NR6A1: variants seen among roughly 807,000 people sequenced by gnomAD.
The protein encoded by NR6A1 is nuclear receptor subfamily 6 group A member 1, also known as retinoic acid receptor-related testis-associated receptor.
NR6A1 carries 7 observed loss-of-function variants against 59.1 expected under a neutral mutation model. The ratio of observed to expected loss-of-function variants is 0.12; its 90% CI spans 0.07 to 0.22. NR6A1 has a LOEUF of 0.22. NR6A1 is among the 10% of genes least tolerant of loss of function. The pLI, the probability that NR6A1 is intolerant of heterozygous loss-of-function variation, is 1.00. For missense variants in NR6A1, 468 were observed against 611.6 expected (o/e 0.77, Z 2.48); for synonymous variants, 243 against 236.1 (o/e 1.03, Z -0.27).
At chr9:124,579,714 T>C (rs1386425142) in intron 2 of NR6A1, among the ~76,000 whole-genome samples, 1 of 152,124 alleles carries the variant, frequency 6.6e-6, no homozygotes, top group East Asian at 1.9e-4. Flanking sequence ...GATAGGTTCT[T>C]ATAAAATTAA....
intron 1 of NR6A1, among the ~76,000 whole-genome samples, chr9:124,761,921 C>G (rs1403345169): frequency 6.6e-6 from 1 of 152,300 alleles, no homozygotes; most frequent in East Asian, 1.9e-4. Flanking sequence ...AAAGCTTTAT[C>G]AGAGAACTCA....
intron 1 of NR6A1, among the ~76,000 whole-genome samples, chr9:124,756,800 C>T (rs542189981): frequency 4.6e-5 from 7 of 152,288 alleles, no homozygotes; most frequent in Admixed American, 1.3e-4. Flanking sequence ...AGAAGACACA[C>T]GCACATCAAC....
intron 2 of NR6A1, among the ~76,000 whole-genome samples, chr9:124,555,569 T>C (rs1312654417): frequency 4.6e-5 from 7 of 152,180 alleles, no homozygotes; most frequent in Admixed American, 1.3e-4. Context: ...TGAGCTATGA[T>C]TGCACCACTG....
At chr9:124,705,307 T>C (rs910482185) in intron 2 of NR6A1, among the ~76,000 whole-genome samples, 6 of 152,228 alleles carry the variant, frequency 3.9e-5, no homozygotes, top group Non-Finnish European at 5.9e-5. Flanking sequence ...AAATCTACAA[T>C]TACTATTGTT....
In NR6A1 at chr9:124,565,731, C is replaced by CA. The variant is rs570096467; in HGVS notation, c.143-11162dup. Reference sequence around the variant, plus strand: ...ATCAATAAACTTATGAAAAGATGTTCAAACTTACTAGTGATCAAGGACATG... The same window carrying CA: ...ATCAATAAACTTATGAAAAGATGTTCAAAACTTACTAGTGATCAAGGACATG... On this transcript the variant is annotated intron_variant, in intron 2 of 9. Coordinates refer to ENST00000487099, the MANE Select transcript of NR6A1 (RefSeq NM_033334.4). Among the ~76,000 whole-genome samples the CA allele has an allele frequency of 2.0e-5, 3 of 152,280 alleles. No individual in the cohort carries two copies. The South Asian group carries it at 6.2e-4, about 32-fold the overall frequency.
chr9:124,684,922 C>T (rs951748720), intron 2 of NR6A1, among the ~76,000 whole-genome samples: 1 of 151,954 alleles, frequency 6.6e-6, no homozygotes, highest in African/African-American at 2.4e-5. Context: ...AGATGTTTGA[C>T]TCATCAGGCA....
chr9:124,570,751 A>C (rs967728610), intron 2 of NR6A1, among the ~76,000 whole-genome samples: 1 of 151,912 alleles, frequency 6.6e-6, no homozygotes. Context: ...GGGGGCAGGG[A>C]AACAGTTGCT....
chr9:124,555,512 A>C (rs542566598), intron 2 of NR6A1, among the ~76,000 whole-genome samples: 1 of 152,344 alleles, frequency 6.6e-6, no homozygotes, highest in South Asian at 2.1e-4. Flanking sequence ...TCTACTGAGG[A>C]GGCTGAAGCA....
At chr9:124,551,483 A>G (rs183283494) in intron 3 of NR6A1, among the ~76,000 whole-genome samples, 1 of 152,336 alleles carries the variant, frequency 6.6e-6, no homozygotes, top group African/African-American at 2.4e-5. Context: ...TCTATTATAC[A>G]AATGAAGTAG....
chr9:124,634,444 T>C (rs1399078097), intron 2 of NR6A1, among the ~76,000 whole-genome samples: 1 of 152,208 alleles, frequency 6.6e-6, no homozygotes, highest in African/African-American at 2.4e-5. Flanking sequence ...CCATTTTCTG[T>C]CTCTTGTTTC....
Position 124,621,752 on chromosome 9 carries a change from T to C in NR6A1, c.143-67182A>G, listed in dbSNP as rs565752187. ...TTAATTTGAACATACTGTAAATGAA[T>C]CTAGCATTTCATTTTGTACAGAAAA... is the stretch of plus-strand genomic sequence containing the variant. On this transcript the variant is annotated intron_variant, in intron 2 of 9. Transcript: ENST00000487099. Among the ~76,000 whole-genome samples, 90 of 152,288 alleles carry C rather than the reference T, an allele frequency of 5.9e-4. 1 individual carries two copies. The South Asian group carries it at 0.018, about 30-fold the overall frequency.
chr9:124,725,135 CAG>C (rs141507696), intron 2 of NR6A1, among the ~76,000 whole-genome samples: 277 of 152,278 alleles, frequency 1.8e-3, no homozygotes, highest in African/African-American at 5.9e-3. Flanking sequence ...GCAGGGCAGA[CAG>C]GGGTTATTTG....
At chr9:124,752,235 C>T (rs1044847507) in intron 1 of NR6A1, among the ~76,000 whole-genome samples, 8 of 152,148 alleles carry the variant, frequency 5.3e-5, no homozygotes, top group Non-Finnish European at 8.8e-5. Flanking sequence ...CGCCACTGCA[C>T]TCCAGCCTGG....
intron 2 of NR6A1, among the ~76,000 whole-genome samples, chr9:124,597,328 GATTTA>G (rs1835299997): frequency 7.1e-6 from 1 of 140,374 alleles, no homozygotes; most frequent in Non-Finnish European, 1.5e-5. Flanking sequence ...AGTCCCTGTG[GATTTA>G]ACGTAGTTCT....
chr9:124,581,235 G>T (rs1237480457), intron 2 of NR6A1, among the ~76,000 whole-genome samples: 2 of 152,176 alleles, frequency 1.3e-5, no homozygotes, highest in Admixed American at 6.5e-5. Flanking sequence ...AAAAACAATT[G>T]TAACAAAAGC....
Position 124,580,511 on chromosome 9 carries a change from A to G in NR6A1, c.143-25941T>C, listed in dbSNP as rs569196403. ...GAACCAAAAGCACAATAGCCAAGGC[A>G]ATCCTAAGCAAAAAAGAACAAAGCT... is the stretch of plus-strand genomic sequence containing the variant. On this transcript the variant is annotated intron_variant, in intron 2 of 9. Transcript: ENST00000487099. 6.0e-4 allele frequency among the ~76,000 whole-genome samples: 91 copies of G among 152,310 alleles called. 1 individual carries two copies. In the South Asian group the frequency reaches 0.018, roughly 31 times the overall value.
rs1445053367 is a variant in NR6A1 at position 124,729,919 on chromosome 9, TCTC to T, written c.142+3386_142+3388del. 1.3e-3 allele frequency among the ~76,000 whole-genome samples: 192 copies of T among 152,084 alleles called. 2 individuals are homozygous for T. The highest frequency in any genetic ancestry group is 2.2e-4 in the Non-Finnish European group (15 of 67,964). The stretch of plus-strand genomic sequence containing the variant: ...CCTCCACCTCCCAGGTTCAAGCAAT[TCTC>T]CTGCCTCAGCCTCCCGAGTAGCTGG... On this transcript the variant is annotated intron_variant, in intron 2 of 9. Transcript: ENST00000487099.
At chr9:124,528,225 G>GA (rs1409372969) in intron 7 of NR6A1, among the ~76,000 whole-genome samples, 4 of 152,274 alleles carry the variant, frequency 2.6e-5, no homozygotes, top group African/African-American at 9.6e-5. Context: ...CTTGCTTGGG[G>GA]AAAGCCTGGC....
At chr9:124,670,666 G>A (rs1162276696) in intron 2 of NR6A1, among the ~76,000 whole-genome samples, 1 of 152,174 alleles carries the variant, frequency 6.6e-6, no homozygotes, top group Non-Finnish European at 1.5e-5. Context: ...AATTCAGAGT[G>A]GATGAAACAA....
Sources: gnomAD v4.1 joint callset for allele counts (sites outside exome capture counted in the v4.1 genomes callset) on GRCh38, gnomAD v4.1.1 for gene constraint, MANE v1.5 for transcripts, NCBI Gene and HGNC (gene_info 2026-07-23, HGNC 2026-07-21) for gene names.